RIBC2: variants seen among roughly 807,000 people sequenced by gnomAD.
RIBC2 encodes the protein RIB43A-like with coiled-coils protein 2.
A neutral mutation model predicts 44.3 loss-of-function variants in RIBC2; 40 were observed. That is an observed-to-expected ratio of 0.90 (90% confidence interval 0.70 to 1.18). The LOEUF is 1.18. Ranked by LOEUF, RIBC2 falls within the 50% of genes most tolerant of loss-of-function variation. The pLI is 0.00. For synonymous variants in RIBC2, 171 were observed against 175.0 expected (o/e 0.98, Z 0.18); for missense variants, 459 against 485.5 (o/e 0.95, Z 0.51).
At chr22:45,415,135 A>C (rs1394764728) in intron 2 of RIBC2, among the ~76,000 whole-genome samples, 3 of 151,792 alleles carry the variant, frequency 2.0e-5, no homozygotes, top group Non-Finnish European at 1.5e-5. Context: ...GGATCACTTG[A>C]GACCAGGAGC....
chr22:45,414,539 T>C, intron 2 of RIBC2, 136 bp downstream of exon 2: 1 of 532,590 alleles, frequency 1.9e-6, no homozygotes, highest in Non-Finnish European at 3.1e-6. Flanking sequence ...AGGGTCTCAC[T>C]ATGTTGCCCA....
rs142403875 is a variant in RIBC2 at position 45,417,943 on chromosome 22, G to A, written c.553G>A (p.Ala185Thr). Residue 185 changes from alanine to threonine, a missense_variant, in exon 3 of 7, where the codon GCA (alanine) becomes ACA (threonine). Ala to Thr is a moderately conservative substitution (Grantham distance 58). Transcript: ENST00000614167. ...WKNARAEQKC[A>T]EALYTETRLQ... is the part of the protein sequence containing the mutation. ...GAACGCCCGTGCTGAACAAAAATGC[G>A]CAGGTAATGAAACAGAAGAGACGAG... 6.6e-5 allele frequency: 105 copies of A among 1,591,934 alleles called. 1 individual carries two copies. The highest frequency in any genetic ancestry group is 1.4e-4 in the Admixed American group (8 of 57,104).
intron 2 of RIBC2, among the ~76,000 whole-genome samples, chr22:45,415,396 TA>T: frequency 6.6e-6 from 1 of 152,136 alleles, no homozygotes; most frequent in Non-Finnish European, 1.5e-5. Flanking sequence ...GAATTATGAG[TA>T]AACTTTATTT....
chr22:45,417,524 A>C, intron 2 of RIBC2, 78 bp from the exon 3 acceptor site: 1 of 1,192,068 alleles, frequency 8.4e-7, no homozygotes. Flanking sequence ...AAAAAAGTAA[A>C]TAATAAAAAA....
At chr22:45,424,444 T>C (rs1171328987) in intron 4 of RIBC2, among the ~76,000 whole-genome samples, 1 of 152,188 alleles carries the variant, frequency 6.6e-6, no homozygotes, top group Admixed American at 6.5e-5. Flanking sequence ...ACTGCGTCCA[T>C]TTGATCATCT....
chr22:45,417,083 T>C (rs2087432317), intron 2 of RIBC2, among the ~76,000 whole-genome samples: 1 of 151,780 alleles, frequency 6.6e-6, no homozygotes, highest in Non-Finnish European at 1.5e-5. Flanking sequence ...GAATTTTTAG[T>C]AGAGACAGGG....
chr22:45,425,328 GT>G (rs2087524240), intron 4 of RIBC2, among the ~76,000 whole-genome samples: 1 of 152,122 alleles, frequency 6.6e-6, no homozygotes. Context: ...CTGTCCATGT[GT>G]TACTGAGGAC....
At chr22:45,423,552 G>A (rs1602117443) in intron 4 of RIBC2, among the ~76,000 whole-genome samples, 2 of 152,272 alleles carry the variant, frequency 1.3e-5, no homozygotes, top group Admixed American at 6.5e-5. Context: ...AGGTATAGTA[G>A]TACCATGCTG....
At chr22:45,429,676 G>T (rs963730786) in intron 5 of RIBC2, among the ~76,000 whole-genome samples, 1 of 152,198 alleles carries the variant, frequency 6.6e-6, no homozygotes, top group Non-Finnish European at 1.5e-5. Flanking sequence ...TGGAAAGGGC[G>T]CCGGGGCTGG....
intron 3 of RIBC2, among the ~76,000 whole-genome samples, chr22:45,418,856 C>G (rs1387333308): frequency 6.6e-6 from 1 of 152,134 alleles, no homozygotes; most frequent in African/African-American, 2.4e-5. Context: ...CAGATTTATG[C>G]CCTCCCTGCT....
chr22:45,432,211 CAAA>C (rs35724408), intron 6 of RIBC2, 70 bp from the exon 7 acceptor site: 1,240 of 654,710 alleles, frequency 1.9e-3, no homozygotes, highest in South Asian at 4.4e-3. Flanking sequence ...TGTGCCTTTT[CAAA>C]AAAAAAAAAA....
intron 2 of RIBC2, among the ~76,000 whole-genome samples, chr22:45,414,990 C>T (rs2087406991): frequency 6.6e-6 from 1 of 152,076 alleles, no homozygotes; most frequent in Non-Finnish European, 1.5e-5. Flanking sequence ...TGATTCAAAT[C>T]ATAGTATTCA....
chr22:45,425,350 C>T (rs2087524398), intron 4 of RIBC2, among the ~76,000 whole-genome samples: 1 of 152,146 alleles, frequency 6.6e-6, no homozygotes, highest in African/African-American at 2.4e-5. Context: ...AACTGTAAAC[C>T]CAAGTACATG....
Position 45,422,260 on chromosome 22 carries a change from T to A in RIBC2, c.557-30T>A, listed in dbSNP as rs758913713. 42 of 1,554,364 alleles carry A rather than the reference T, an allele frequency of 2.7e-5. No homozygotes were observed. In the African/African-American group the frequency reaches 4.8e-4, roughly 18 times the overall value. On this transcript the variant is annotated intron_variant, in intron 3 of 6. Transcript: ENST00000614167. ...GTGGGAAGGTGCTCCTGTGGCCAGG[T>A]CGATCTGATTGCTTCTTGCCTCCTT...
chr22:45,414,548 C>A, intron 2 of RIBC2, 145 bp downstream of exon 2: 1 of 513,778 alleles, frequency 1.9e-6, no homozygotes. Context: ...CTATGTTGCC[C>A]AGGCTGGTCT....
At chr22:45,422,196 T>G in intron 3 of RIBC2, 94 bp from the exon 4 acceptor site, 1 of 817,538 alleles carries the variant, frequency 1.2e-6, no homozygotes, top group Admixed American at 1.8e-5. Context: ...TGCTCATGGC[T>G]AAGGACGTGG....
chr22:45,430,403 G>C (rs2087568457), intron 5 of RIBC2, among the ~76,000 whole-genome samples: 1 of 152,174 alleles, frequency 6.6e-6, no homozygotes, highest in Non-Finnish European at 1.5e-5. Context: ...CAGGGGTTGG[G>C]GTGCCCCTCT....
chr22:45,413,791 C>G lies in RIBC2; in HGVS notation c.-96C>G. On this transcript the variant is annotated 5_prime_UTR_variant, in exon 1 of 7. Transcript: ENST00000614167. ...GCTAAAGGCTTGTCTTTCCCCTGCC[C>G]GACCGAAGGAGCCGACCTTGCCTGC... The G allele has an allele frequency of 3.5e-6, 5 of 1,448,958 alleles. No homozygotes were observed. The highest frequency in any genetic ancestry group is 3.7e-6 in the Non-Finnish European group (4 of 1,089,184). 89.8% of individuals were successfully genotyped at this position (1,448,958 alleles called of 1,614,324 possible).
At chr22:45,418,006 G>GTTTT in intron 3 of RIBC2, 60 bp downstream of exon 3, 11 of 597,618 alleles carry the variant, frequency 1.8e-5, no homozygotes, top group South Asian at 6.6e-5. Context: ...CAACCCTACA[G>GTTTT]TTTTTTTTTT....
Sources: allele counts gnomAD v4.1 joint callset (sites outside exome capture counted in the v4.1 genomes callset), GRCh38; gene constraint gnomAD v4.1.1; transcripts MANE v1.5; gene names NCBI Gene and HGNC (gene_info 2026-07-23, HGNC 2026-07-21).